FAM178B: variants seen among roughly 807,000 people sequenced by gnomAD.
FAM178B encodes protein FAM178B.
FAM178B carries 82 observed loss-of-function variants against 91.7 expected under a neutral mutation model. The ratio of observed to expected loss-of-function variants is 0.89; its 90% CI spans 0.75 to 1.07. FAM178B has a LOEUF of 1.07. Ranked by LOEUF, FAM178B falls within the 50% of genes least tolerant of loss-of-function variation. The pLI is 0.00. For missense variants in FAM178B, 769 were observed against 846.7 expected, an observed-to-expected ratio of 0.91 and a Z score of 1.14; for synonymous variants, 368 against 359.4, an observed-to-expected ratio of 1.02 and a Z score of -0.27.
chr2:96,961,736 G>A (rs955444174), intron 5 of FAM178B, among the ~76,000 whole-genome samples: 13 of 152,030 alleles, frequency 8.6e-5, no homozygotes, highest in African/African-American at 2.9e-4. Flanking sequence ...GTGTGGCGTC[G>A]CCTGCAGCCC....
At chr2:96,878,253 G>A (rs1026879303) in intron 15 of FAM178B, among the ~76,000 whole-genome samples, 163 bp downstream of exon 15, 12 of 152,290 alleles carry the variant, frequency 7.9e-5, no homozygotes, top group African/African-American at 2.9e-4. Flanking sequence ...GACACTGTGG[G>A]GAGGAAGAGG....
Position 96,961,312 on chromosome 2 carries a change from GGTGTGTGTGTGT to G in FAM178B, c.735-884_735-873del, listed in dbSNP as rs70964889. Among the ~76,000 whole-genome samples, 16 of 146,842 alleles carry G rather than the reference GGTGTGTGTGTGT, an allele frequency of 1.1e-4. 2 individuals are homozygous for G. The South Asian group carries it at 2.8e-3, about 26-fold the overall frequency. ...TTCTTGGGTGAAAACAGCAGCAGAG[GGTGTGTGTGTGT>G]GTGTGTGTGTGTGTGTACACACACA... On this transcript the variant is annotated intron_variant, in intron 5 of 16. Transcript: ENST00000490605.
intron 12 of FAM178B, among the ~76,000 whole-genome samples, chr2:96,903,382 C>T (rs62152902): frequency 0.082 from 12,515 of 152,328 alleles, 558 homozygotes; most frequent in Middle Eastern, 0.12. Flanking sequence ...TCCTTTGTGG[C>T]TCCACCTCTG....
intron 12 of FAM178B, among the ~76,000 whole-genome samples, chr2:96,908,286 C>T (rs934472290): frequency 4.6e-5 from 7 of 152,304 alleles, no homozygotes; most frequent in African/African-American, 1.7e-4. Context: ...ATGAGGAACC[C>T]GTCTATATAT....
At chr2:96,924,059 G>C (rs2081392686) in intron 9 of FAM178B, among the ~76,000 whole-genome samples, 2 of 152,042 alleles carry the variant, frequency 1.3e-5, no homozygotes. Context: ...ACCTGACTTG[G>C]TGTAGGAGGA....
At chr2:96,903,471 G>A (rs1401430948) in intron 12 of FAM178B, among the ~76,000 whole-genome samples, 1 of 152,194 alleles carries the variant, frequency 6.6e-6, no homozygotes, top group African/African-American at 2.4e-5. Context: ...AGTATCCACT[G>A]GGCTTTCCTT....
intron 1 of FAM178B, among the ~76,000 whole-genome samples, chr2:96,976,068 T>C (rs1447480270): frequency 6.6e-6 from 1 of 151,992 alleles, no homozygotes; most frequent in African/African-American, 2.4e-5. Flanking sequence ...GGATAGACCA[T>C]ATGGTATATG....
rs1414565389 is a variant in FAM178B at position 96,912,717 on chromosome 2, C to T, written c.1562+8448G>A. 2.6e-5 allele frequency among the ~76,000 whole-genome samples: 4 copies of T among 152,346 alleles called. No individual in the cohort carries two copies. The East Asian group carries it at 5.8e-4, about 22-fold the overall frequency. ...ATGGCCTGACCGCCGCCCACCTTCA[C>T]GCTGCTGTCTGCCTCCCAGCTCCAG... On this transcript the variant is annotated intron_variant, in intron 12 of 16. Transcript: ENST00000490605.
chr2:96,964,671 A>G (rs1245454974), intron 5 of FAM178B, among the ~76,000 whole-genome samples: 1 of 152,114 alleles, frequency 6.6e-6, no homozygotes, highest in Non-Finnish European at 1.5e-5. Context: ...GCCAGAAAGA[A>G]ACCACCCCAC....
intron 8 of FAM178B, among the ~76,000 whole-genome samples, chr2:96,932,586 C>T (rs1188147357): frequency 6.6e-6 from 1 of 152,182 alleles, no homozygotes; most frequent in Admixed American, 6.5e-5. Flanking sequence ...TTCCTCCAGA[C>T]ACAGAACAGT....
intron 13 of FAM178B, among the ~76,000 whole-genome samples, chr2:96,899,230 A>C (rs1574213568): frequency 6.6e-6 from 1 of 152,138 alleles, no homozygotes; most frequent in Admixed American, 6.5e-5. Flanking sequence ...ACAAGCACTG[A>C]CTCAGCCTCC....
At chr2:96,907,260 C>T (rs901765871) in intron 12 of FAM178B, among the ~76,000 whole-genome samples, 22 of 152,104 alleles carry the variant, frequency 1.4e-4, no homozygotes, top group East Asian at 1.9e-4. Flanking sequence ...GGGCAGGGGG[C>T]GGGGCGAGAC....
At chr2:96,983,851 G>A (rs1011405719) in intron 1 of FAM178B, among the ~76,000 whole-genome samples, 4 of 152,206 alleles carry the variant, frequency 2.6e-5, no homozygotes, top group African/African-American at 9.7e-5. Flanking sequence ...TCATGCAGCA[G>A]TTCAGTAATC....
rs577613848 is a variant in FAM178B at position 96,893,311 on chromosome 2, A to G, written c.1776+615T>C. ...CACATCCCTGCTCTGACATTCACCC[A>G]GGGACTCATAGGCCTCACTGTTCCA... On this transcript the variant is annotated intron_variant, in intron 14 of 16. Coordinates refer to ENST00000490605, the MANE Select transcript of FAM178B (RefSeq NM_001122646.3). Among the ~76,000 whole-genome samples the G allele has an allele frequency of 2.6e-5, 4 of 152,218 alleles. No homozygotes were observed. In the East Asian group the frequency reaches 7.8e-4, roughly 29 times the overall value.
chr2:96,948,488 G>A (rs142811141), intron 7 of FAM178B, among the ~76,000 whole-genome samples: 201 of 152,338 alleles, frequency 1.3e-3, no homozygotes, highest in African/African-American at 4.4e-3. Context: ...CTGACAGTCA[G>A]AAGCTGGGGT....
intron 1 of FAM178B, among the ~76,000 whole-genome samples, chr2:96,983,575 G>C (rs2082388632): frequency 6.6e-6 from 1 of 152,102 alleles, no homozygotes; most frequent in Non-Finnish European, 1.5e-5. Flanking sequence ...ACAGGTATGT[G>C]CCACCATGCC....
chr2:96,975,290 A>G (rs927712058), intron 1 of FAM178B, among the ~76,000 whole-genome samples: 5 of 152,190 alleles, frequency 3.3e-5, no homozygotes, highest in Non-Finnish European at 5.9e-5. Context: ...ATAGTAACAT[A>G]TAGTATTCTT....
chr2:96,904,873 C>T (rs1183343327), intron 12 of FAM178B, among the ~76,000 whole-genome samples: 1 of 152,070 alleles, frequency 6.6e-6, no homozygotes, highest in African/African-American at 2.4e-5. Flanking sequence ...AAGCGATTCT[C>T]CTGCCTCAGC....
rs753529232 is a variant in FAM178B at position 96,972,026 on chromosome 2, C to T, written c.439G>A (p.Ala147Thr). Residue 147 changes from alanine to threonine, a missense_variant, in exon 3 of 17, where the codon GCT (alanine) becomes ACT (threonine). Transcript: ENST00000490605. Reference sequence around the variant, plus strand: ...TCCAACTCCTCGGGCAGCTCACCAGCCAGTCTCCTCAGGCCCTGGGGGCCC... The same window carrying T: ...TCCAACTCCTCGGGCAGCTCACCAGTCAGTCTCCTCAGGCCCTGGGGGCCC... ...VVGPQGLRRLAGELPEELEQE... is the reference protein window; with the variant it reads ...VVGPQGLRRLTGELPEELEQE... 1 of 1,552,824 alleles carries T rather than the reference C, an allele frequency of 6.4e-7. No homozygotes were observed.
Sources: allele counts gnomAD v4.1 joint callset (sites outside exome capture counted in the v4.1 genomes callset), GRCh38; gene constraint gnomAD v4.1.1; transcripts MANE v1.5; gene names NCBI Gene and HGNC (gene_info 2026-07-23, HGNC 2026-07-21).